Variants in DNAH9 observed in about 807,000 individuals in gnomAD.
DNAH9 encodes dynein axonemal heavy chain 9, also known as DNAH9 variant protein.
In DNAH9, 345 loss-of-function variants were observed where a neutral mutation model predicts 471.6. The observed-to-expected ratio is 0.73, with a 90% CI of 0.67 to 0.80. The LOEUF is 0.80. Among genes scored for constraint, DNAH9 ranks in the 30% least tolerant of loss-of-function variants. DNAH9 has a pLI of 0.00. For synonymous variants in DNAH9, 2,093 were observed against 2,123.6 expected (o/e 0.99, Z 0.40); for missense variants, 5,407 against 5,609.2 (o/e 0.96, Z 1.15).
intron 67 of DNAH9, chr17:11,954,146 A>G (rs2151443664): frequency 6.6e-6 from 1 of 152,018 alleles, no homozygotes; most frequent in Admixed American, 6.6e-5. Context: ...TGGTGTCCCA[A>G]AAAGTAAACA....
rs570536606 is a variant in DNAH9 at position 11,688,682 on chromosome 17, G to A, written c.3744-884G>A. Among the ~76,000 whole-genome samples, 106 of 152,288 alleles carry A rather than the reference G, an allele frequency of 7.0e-4. 1 individual carries two copies. In the East Asian group the frequency reaches 0.019, roughly 28 times the overall value. ...TGGTCTATAGAGCAGTCTGGGCATG[G>A]GGATCTTACAAAGCTTTCAGAAGAT... On this transcript the variant is annotated intron_variant, in intron 19 of 68. Transcript: ENST00000262442.
intron 19 of DNAH9, among the ~76,000 whole-genome samples, chr17:11,685,528 G>A (rs1468976730): frequency 6.6e-6 from 1 of 152,182 alleles, no homozygotes; most frequent in East Asian, 1.9e-4. Flanking sequence ...TGCTCAATGG[G>A]AGAGTGGTTC....
At position 11,623,165 on chromosome 17, in the gene DNAH9, G is replaced by A. The variant is rs750657103; in HGVS notation, c.1350+3384G>A. On this transcript the variant is annotated intron_variant, in intron 6 of 68. Transcript: ENST00000262442. This position sits in a 1 kb window ranked among gnomAD's most constrained non-coding sequence, Gnocchi z 4.1. ...ATTTTTGTATTTTTAGTAGAGACAG[G>A]GTCTTTCTGTGTTGGTCAGGCTGGT... 2.0e-5 allele frequency among the ~76,000 whole-genome samples: 3 copies of A among 151,720 alleles called. No homozygotes were observed. Among genetic ancestry groups the A allele is most frequent in the Non-Finnish European group, 2.9e-5 (2 of 67,952 alleles).
intron 26 of DNAH9, among the ~76,000 whole-genome samples, chr17:11,716,376 C>T (rs113286780): frequency 1.3e-5 from 2 of 152,170 alleles, no homozygotes; most frequent in African/African-American, 2.4e-5. Flanking sequence ...CCACCGTGCC[C>T]GGCCCTGTCT....
At chr17:11,933,162 G>A (rs574012019) in intron 64 of DNAH9, among the ~76,000 whole-genome samples, 4 of 152,110 alleles carry the variant, frequency 2.6e-5, no homozygotes, top group Admixed American at 6.6e-5. Flanking sequence ...AACTTTCAAA[G>A]GGGACAGTTA....
chr17:11,698,182 T>TTA (rs1555568235), intron 22 of DNAH9, among the ~76,000 whole-genome samples: 343 of 120,260 alleles, frequency 2.9e-3, no homozygotes, highest in South Asian at 0.013. Context: ...TAATATATTA[T>TTA]TATATTAATA....
At chr17:11,722,187 G>A (rs1051126265) in intron 27 of DNAH9, among the ~76,000 whole-genome samples, 1 of 152,174 alleles carries the variant, frequency 6.6e-6, no homozygotes, top group Non-Finnish European at 1.5e-5. Context: ...CTCTGTTCAG[G>A]TCTGTCCATA....
rs1410215885 is a variant in DNAH9, at chr17:11,854,096, A to G, written c.9601A>G (p.Arg3201Gly). 6.2e-7 allele frequency: 1 copy of G among 1,614,158 alleles called. No individual in the cohort carries two copies. The highest frequency in any genetic ancestry group is 8.5e-7 in the Non-Finnish European group (1 of 1,180,012). ...GATGGTACTGATGGCTCCCAGGGGT[A>G]GGGTGCCCAAGGACCGGAGCTGGAA... The part of the protein sequence containing the change: ...AVMVLMAPRG[R>G]VPKDRSWKAA... The change falls in exon 50 of 69, where the codon AGG (arginine) becomes GGG (glycine). Residue 3201 changes from arginine to glycine, a missense_variant. Physicochemically the swap from Arg to Gly is moderately radical, Grantham distance 125 (BLOSUM62 -2). This residue lies in a region of DNAH9 where 4,636 missense variants were observed against 4,900.3 expected (regional missense o/e 0.95). Coordinates refer to ENST00000262442, the MANE Select transcript of DNAH9 (RefSeq NM_001372.4).
chr17:11,876,186 G>T (rs889027933), intron 53 of DNAH9, among the ~76,000 whole-genome samples: 3 of 152,146 alleles, frequency 2.0e-5, no homozygotes, highest in African/African-American at 7.2e-5. Flanking sequence ...AAAAGGTGAA[G>T]AGAACCCAGA....
rs67408362 is a variant in DNAH9, at chr17:11,826,358, T to TGGG, written c.9246+3329_9246+3331dup. 2.6e-3 allele frequency among the ~76,000 whole-genome samples: 387 copies of TGGG among 150,930 alleles called. 2 individuals are homozygous for TGGG. The highest frequency in any genetic ancestry group is 5.1e-3 in the Admixed American group (77 of 15,120). On this transcript the variant is annotated intron_variant, in intron 48 of 68. Transcript: ENST00000262442. ...CTATCCAATTCCCCAGGCCGGAAGC[T>TGGG]GGGGGGGTAATTTTAGACTCTTCCC...
intron 48 of DNAH9, among the ~76,000 whole-genome samples, chr17:11,828,047 C>G (rs189643022): frequency 6.6e-6 from 1 of 152,318 alleles, no homozygotes; most frequent in Admixed American, 6.5e-5. Flanking sequence ...TCACTCCTTT[C>G]AAAGCGCTAC....
rs1491131591 is a variant in DNAH9 at position 11,812,058 on chromosome 17, CAT to C, written c.8707+1691_8707+1692del. Among the ~76,000 whole-genome samples, 69 of 97,384 alleles carry C rather than the reference CAT, an allele frequency of 7.1e-4. 1 individual carries two copies. The highest frequency in any genetic ancestry group is 2.0e-3 in the African/African-American group (62 of 31,740). 63.9% of individuals were successfully genotyped at this position (97,384 alleles called of 152,430 possible). A position where few individuals can be genotyped will look rare whatever the true frequency, so the allele number is the denominator to read the frequency against. ...ATATATATATATATATATATATACA[CAT>C]ACATACACACATACATCCAAGAATA... On this transcript the variant is annotated intron_variant, in intron 45 of 68. Coordinates refer to ENST00000262442, the MANE Select transcript of DNAH9 (RefSeq NM_001372.4).
intron 1 of DNAH9, among the ~76,000 whole-genome samples, chr17:11,602,188 A>G (rs1295179180): frequency 1.3e-5 from 2 of 152,146 alleles, no homozygotes; most frequent in East Asian, 3.9e-4. Context: ...ATTCTGGTTA[A>G]ATTCAGCAGT....
Position 11,738,956 on chromosome 17 carries a change from C to T in DNAH9, c.5891C>T (p.Pro1964Leu), listed in dbSNP as rs1166339792. The T allele has an allele frequency of 1.9e-6, 3 of 1,613,956 alleles. No individual in the cohort carries two copies. The highest frequency in any genetic ancestry group is 2.5e-6 in the Non-Finnish European group (3 of 1,179,944). The change falls in exon 29 of 69, where the codon CCT becomes CTT. Residue 1964 changes from proline (P) to leucine (L), a missense_variant. Physicochemically the swap from Pro to Leu is moderately conservative, Grantham distance 98. Transcript: ENST00000262442. The part of the protein sequence containing the change: ...SFLGEEISLN[P>L]SVGIFITMNP... ...CTTGGGGAGGAGATCAGCCTGAATC[C>T]TTCTGTCGGTATCTTCATCACCATG...
chr17:11,650,007 T>C (rs184801989), intron 12 of DNAH9, among the ~76,000 whole-genome samples: 100 of 152,362 alleles, frequency 6.6e-4, no homozygotes, highest in African/African-American at 2.2e-3. Flanking sequence ...GGTTTTATGT[T>C]TGGAATGACT....
intron 54 of DNAH9, among the ~76,000 whole-genome samples, chr17:11,880,439 C>T (rs1567871622): frequency 6.6e-6 from 1 of 152,156 alleles, no homozygotes; most frequent in Non-Finnish European, 1.5e-5. Context: ...TGACTTCCTT[C>T]TAAATGGCCA....
Position 11,688,037 on chromosome 17 carries a change from G to A in DNAH9, c.3744-1529G>A, listed in dbSNP as rs1184783119. ...TAGTCCTAGCTACTCAGGAGGCTGAGGCAGGGGAATCACTTGAACCCGGGA... is the reference window on the plus strand; with the variant it reads ...TAGTCCTAGCTACTCAGGAGGCTGAAGCAGGGGAATCACTTGAACCCGGGA... On this transcript the variant is annotated intron_variant, in intron 19 of 68. Transcript: ENST00000262442. Among the ~76,000 whole-genome samples, 4 of 139,998 alleles carry A rather than the reference G, an allele frequency of 2.9e-5. 1 individual carries two copies. Among genetic ancestry groups the A allele is most frequent in the Non-Finnish European group, 6.0e-5 (4 of 66,304 alleles). The allele number at this position is 139,998 out of a possible 152,430, so 91.8% of individuals were successfully genotyped here.
intron 67 of DNAH9, among the ~76,000 whole-genome samples, chr17:11,947,695 G>T (rs538777664): frequency 1.2e-3 from 177 of 150,924 alleles, no homozygotes; most frequent in African/African-American, 4.0e-3. Flanking sequence ...TATGTGGTTT[G>T]CATTCTATTT....
rs1974563298 is a variant in DNAH9 at position 11,932,817 on chromosome 17, T to C, written c.12297+612T>C. ...AGACCATACCTATGTCTTCACAGCA[T>C]GGCAGGTAGACTGTGATCAGCAGGA... On this transcript the variant is annotated intron_variant, in intron 64 of 68. Coordinates refer to ENST00000262442, the MANE Select transcript of DNAH9 (RefSeq NM_001372.4). This position sits in a 1 kb window ranked among gnomAD's most constrained non-coding sequence, Gnocchi z 4.3. Among the ~76,000 whole-genome samples, 1 of 119,520 alleles carries C rather than the reference T, an allele frequency of 8.4e-6. No homozygotes were observed. The highest frequency in any genetic ancestry group is 2.6e-4 in the South Asian group (1 of 3,818). The allele number at this position is 119,520 out of a possible 152,430, so 78.4% of individuals were successfully genotyped here.
Sources: gnomAD v4.1 joint callset for allele counts (sites outside exome capture counted in the v4.1 genomes callset) on GRCh38, gnomAD v4.1.1 for gene constraint, gnomAD v4.1.1 regional missense constraint, Gnocchi (gnomAD v3.1) non-coding constraint, MANE v1.5 for transcripts, NCBI Gene and HGNC (gene_info 2026-07-23, HGNC 2026-07-21) for gene names.